The following FH variants were observed in gnomAD, a reference collection of about 807,000 sequenced individuals.
FH encodes fumarate hydratase, also known as fumarate hydratase, mitochondrial.
FH carries 22 observed loss-of-function variants against 49.4 expected under a neutral mutation model. The ratio of observed to expected loss-of-function variants is 0.45; its 90% CI spans 0.32 to 0.64. FH has a LOEUF of 0.64. FH is among the 30% of genes least tolerant of loss of function. The pLI, the probability that FH is intolerant of heterozygous loss-of-function variation, is 0.05. For synonymous variants in FH, 208 were observed against 223.0 expected, an observed-to-expected ratio of 0.93 and a Z score of 0.60; for missense variants, 526 against 641.5, an observed-to-expected ratio of 0.82 and a Z score of 1.95.
At position 241,500,521 on chromosome 1, in the gene FH, C is replaced by T. The variant is rs1324526971; in HGVS notation, c.1306G>A (p.Val436Met). 1 of 1,613,586 alleles carries T rather than the reference C, an allele frequency of 6.2e-7. No homozygotes were observed. The highest frequency in any genetic ancestry group is 8.5e-7 in the Non-Finnish European group (1 of 1,179,896). Residue 436 changes from valine to methionine, a missense_variant, in exon 9 of 10, where the codon GTG becomes ATG. Around this residue, in one of 2 missense-constraint regions of FH, gnomAD observed 383 missense variants for 514.0 expected, o/e 0.75. Transcript: ENST00000366560. ...ASVSFTENCV[V>M]GIQANTERIN... ...CTTTCTGTATTGGCCTGGATTCCCA[C>T]CACGCAGTTTTCTGTAAAGGAAACT...
chr1:241,502,942 C>G (rs1659820146), intron 7 of FH, among the ~76,000 whole-genome samples: 1 of 152,168 alleles, frequency 6.6e-6, no homozygotes, highest in African/African-American at 2.4e-5. Flanking sequence ...GGGGTAAATA[C>G]AGAGTAGTGT....
intron 7 of FH, 141 bp from the exon 8 acceptor site, chr1:241,502,711 C>T: frequency 9.7e-7 from 1 of 1,027,170 alleles, no homozygotes. Context: ...ATGAAACAAA[C>T]CAACCAAGGA....
Position 241,508,673 on chromosome 1 carries a change from T to A in FH, c.668A>T (p.Lys223Ile), listed in dbSNP as rs1064795294. ...AATCTTGATGATCTGTGCAAACTCT[T>A]TGGATTTTGCATCAAGAGCATCATG... Reference protein sequence around the residue: ...KLHDALDAKSKEFAQIIKIGR... With the variant: ...KLHDALDAKSIEFAQIIKIGR... The change falls in exon 5 of 10, where the codon AAA (lysine) becomes ATA (isoleucine). Residue 223 changes from lysine to isoleucine, a missense_variant. By Grantham distance (102) the Lys-to-Ile change is moderately radical. Coordinates refer to ENST00000366560, the MANE Select transcript of FH (RefSeq NM_000143.4). The A allele has an allele frequency of 1.9e-6, 3 of 1,613,448 alleles. No homozygotes were observed. Among genetic ancestry groups the A allele is most frequent in the South Asian group, 1.1e-5 (1 of 91,070 alleles).
rs775099009 is a variant in FH, at chr1:241,508,745, G to C, written c.596C>G (p.Ala199Gly). The C allele has an allele frequency of 6.2e-7, 1 of 1,613,752 alleles. No homozygotes were observed. The highest frequency in any genetic ancestry group is 2.2e-5 in the East Asian group (1 of 44,858). The change falls in exon 5 of 10, where the codon GCT becomes GGT. Residue 199 changes from alanine (A) to glycine (G), a missense_variant. Coordinates refer to ENST00000366560, the MANE Select transcript of FH (RefSeq NM_000143.4). Reference sequence around the variant, plus strand: ...CAGTACTTCATGAACTTCTATTGCAGCAGCAATGTGCATTGCTGTGGGAAA... The same window carrying C: ...CAGTACTTCATGAACTTCTATTGCACCAGCAATGTGCATTGCTGTGGGAAA... Reference protein sequence around the residue: ...DTFPTAMHIAAAIEVHEVLLP... With the variant: ...DTFPTAMHIAGAIEVHEVLLP...
chr1:241,500,707 T>C (rs969575206), intron 8 of FH, 117 bp from the exon 9 acceptor site: 8 of 1,371,942 alleles, frequency 5.8e-6, no homozygotes, highest in Non-Finnish European at 7.0e-6. Context: ...AAATATACAA[T>C]TCAATAAACA....
intron 4 of FH, among the ~76,000 whole-genome samples, chr1:241,509,535 A>G (rs1231953807): frequency 6.6e-6 from 1 of 152,174 alleles, no homozygotes; most frequent in Non-Finnish European, 1.5e-5. Context: ...GCACTTTCAG[A>G]GGCTGAGGCA....
At chr1:241,503,985 A>G (rs1040420520) in intron 7 of FH, 57 bp downstream of exon 7, 1 of 1,507,350 alleles carries the variant, frequency 6.6e-7, no homozygotes, top group African/African-American at 1.4e-5. Flanking sequence ...TCCATAGCTA[A>G]GAATGCCTAG....
rs1659658829 is a variant in FH at position 241,497,778 on chromosome 1, TG to T, written c.*49del. 6.7e-7 allele frequency: 1 copy of T among 1,495,258 alleles called. No homozygotes were observed. The allele number at this position is 1,495,258 out of a possible 1,614,324, so 92.6% of individuals were successfully genotyped here. A position where few individuals can be genotyped will look rare whatever the true frequency, so the allele number is the denominator to read the frequency against. On this transcript the variant is annotated 3_prime_UTR_variant, in exon 10 of 10. Transcript: ENST00000366560. Reference sequence around the variant, plus strand: ...TATCCGTTTTTAAGAAATGGGAGTCTGTTTTTTTAAATTTTATACATGTTTA... The same window carrying T: ...TATCCGTTTTTAAGAAATGGGAGTCTTTTTTTTAAATTTTATACATGTTTA...
intron 1 of FH, chr1:241,519,385 C>G: frequency 5.0e-6 from 3 of 595,296 alleles, no homozygotes; most frequent in African/African-American, 4.0e-5. Flanking sequence ...CCCAAGCGCT[C>G]TCCCGGGCTG....
At position 241,519,751 on chromosome 1, in the gene FH, T is replaced by G; in HGVS notation, c.-29A>C. The G allele has an allele frequency of 6.6e-7, 1 of 1,517,444 alleles. No individual in the cohort carries two copies. The highest frequency in any genetic ancestry group is 8.9e-7 in the Non-Finnish European group (1 of 1,127,408). The allele number at this position is 1,517,444 out of a possible 1,614,324, so 94.0% of individuals were successfully genotyped here. ...GCTGAGGGAGCTTGGGTAGAATTTC[T>G]GGGCGGCTGTGGCCACGCCTCCACG... is the stretch of plus-strand genomic sequence containing the variant. On this transcript the variant is annotated 5_prime_UTR_variant, in exon 1 of 10. Transcript: ENST00000366560.
intron 4 of FH, among the ~76,000 whole-genome samples, chr1:241,509,968 T>A (rs1297963599): frequency 6.6e-6 from 1 of 152,208 alleles, no homozygotes; most frequent in Non-Finnish European, 1.5e-5. Flanking sequence ...TATGTACCTG[T>A]CACCTGAATT....
At chr1:241,518,777 T>TTAAAA (rs113467053) in intron 1 of FH, among the ~76,000 whole-genome samples, 2 of 152,364 alleles carry the variant, frequency 1.3e-5, no homozygotes, top group African/African-American at 4.8e-5. Context: ...TTAAAGCTTT[T>TTAAAA]TAAAAGCCTG....
intron 8 of FH, 101 bp downstream of exon 8, chr1:241,502,342 C>T (rs1659801460): frequency 7.4e-7 from 1 of 1,352,614 alleles, no homozygotes; most frequent in African/African-American, 1.4e-5. Context: ...CTTATGTCAC[C>T]CAACTACCCA....
chr1:241,519,382 G>T, intron 1 of FH: 1 of 572,034 alleles, frequency 1.7e-6, no homozygotes. Context: ...CTCCCCAAGC[G>T]CTCTCCCGGG....
Position 241,507,338 on chromosome 1 carries a change from C to T in FH, c.739-1170G>A, listed in dbSNP as rs549770917. Among the ~76,000 whole-genome samples, 21 of 152,178 alleles carry T rather than the reference C, an allele frequency of 1.4e-4. 1 individual carries two copies. The South Asian group carries it at 2.3e-3, about 17-fold the overall frequency. ...TACCATCTAGGTTTGTGTGAGTATA[C>T]TCTGTGATGTTCACATAACTATGAA... On this transcript the variant is annotated intron_variant, in intron 5 of 9. Coordinates refer to ENST00000366560, the MANE Select transcript of FH (RefSeq NM_000143.4).
intron 8 of FH, among the ~76,000 whole-genome samples, chr1:241,500,917 C>T (rs1380754039): frequency 6.6e-6 from 1 of 152,090 alleles, no homozygotes; most frequent in East Asian, 1.9e-4. Flanking sequence ...AAATTAACTC[C>T]AGTTGTCGGA....
Position 241,506,157 on chromosome 1 carries a change from A to G in FH, c.750T>C (p.Gly250=). Residue 250 remains glycine (G), a synonymous_variant, in exon 6 of 10, where the codon GGT becomes GGC. Transcript: ENST00000366560. ...TTGCATATTTTACTTGTTGAACATA[A>G]CCACTAAATTCCTGAAAAGAAAAGA... The part of the protein sequence containing the change: ...VPLTLGQEFS[G]YVQQVKYAMT... 1 of 1,612,958 alleles carries G rather than the reference A, an allele frequency of 6.2e-7. No individual in the cohort carries two copies. Among genetic ancestry groups the G allele is most frequent in the African/African-American group, 1.3e-5 (1 of 75,034 alleles).
At chr1:241,517,434 A>C (rs1239346879) in intron 1 of FH, 118 bp from the exon 2 acceptor site, 1 of 1,094,696 alleles carries the variant, frequency 9.1e-7, no homozygotes, top group Non-Finnish European at 1.3e-6. Flanking sequence ...AAGACAAAAA[A>C]ATACTATTTG....
At chr1:241,515,974 A>G (rs1201751766) in intron 2 of FH, among the ~76,000 whole-genome samples, 1 of 152,174 alleles carries the variant, frequency 6.6e-6, no homozygotes, top group Admixed American at 6.5e-5. Context: ...AAATACTTAT[A>G]TATTATCTAT....
Sources: allele counts gnomAD v4.1 joint callset (sites outside exome capture counted in the v4.1 genomes callset), GRCh38; gene constraint gnomAD v4.1.1; regional missense constraint gnomAD v4.1.1; transcripts MANE v1.5; gene names NCBI Gene and HGNC (gene_info 2026-07-23, HGNC 2026-07-21).